The following ZNF385D variants were observed in gnomAD, a reference collection of about 807,000 sequenced individuals.
The protein encoded by ZNF385D is zinc finger protein 385D, also known as zinc finger protein 659.
Under a neutral mutation model 35.8 loss-of-function variants are expected in ZNF385D, and 15 were observed. The ratio of observed to expected loss-of-function variants is 0.42; its 90% CI spans 0.28 to 0.64. The LOEUF (loss-of-function observed/expected upper bound fraction) is 0.64. Among genes scored for constraint, ZNF385D ranks in the 30% least tolerant of loss-of-function variants. The pLI, the probability that ZNF385D is intolerant of heterozygous loss-of-function variation, is 0.23. For synonymous variants in ZNF385D, 212 were observed against 186.8 expected (o/e 1.13, Z -1.10); for missense variants, 474 against 494.6 (o/e 0.96, Z 0.39).
chr3:22,191,588 G>C (rs962896924), intron 2 of ZNF385D, among the ~76,000 whole-genome samples: 2 of 151,846 alleles, frequency 1.3e-5, no homozygotes, highest in Non-Finnish European at 2.9e-5. Context: ...TGTAGAATAT[G>C]TATGATAAAA....
intron 3 of ZNF385D, among the ~76,000 whole-genome samples, chr3:21,945,387 A>T (rs1304634323): frequency 6.6e-6 from 1 of 152,200 alleles, no homozygotes; most frequent in Admixed American, 6.5e-5. Flanking sequence ...GGTGAGATGC[A>T]CGTTAGTTGT....
At chr3:22,341,461 C>A (rs1695416601) in intron 2 of ZNF385D, among the ~76,000 whole-genome samples, 1 of 152,140 alleles carries the variant, frequency 6.6e-6, no homozygotes. Context: ...AGTTCACTGT[C>A]CAACAACCTA....
chr3:22,156,629 A>G (rs1705602950), intron 3 of ZNF385D, among the ~76,000 whole-genome samples: 1 of 152,164 alleles, frequency 6.6e-6, no homozygotes, highest in Non-Finnish European at 1.5e-5. Flanking sequence ...ACAGATGGTC[A>G]TGAAATGCCT....
chr3:21,836,504 G>A (rs1290787078), intron 3 of ZNF385D, among the ~76,000 whole-genome samples: 2 of 151,984 alleles, frequency 1.3e-5, no homozygotes, highest in African/African-American at 4.8e-5. Flanking sequence ...ACATTACAGA[G>A]ACCTAAAAGA....
At chr3:22,047,437 T>C (rs957216450) in intron 3 of ZNF385D, among the ~76,000 whole-genome samples, 8 of 152,156 alleles carry the variant, frequency 5.3e-5, no homozygotes, top group African/African-American at 1.9e-4. Context: ...ACCACTATTG[T>C]ACTTTCTGCT....
At chr3:21,634,793 A>G (rs1409736288) in intron 2 of ZNF385D, among the ~76,000 whole-genome samples, 1 of 150,588 alleles carries the variant, frequency 6.6e-6, no homozygotes, top group Non-Finnish European at 1.5e-5. Flanking sequence ...ATTTTCCTTC[A>G]GTGTGTTCTA....
intron 3 of ZNF385D, chr3:21,849,798 G>A (rs1171980209): frequency 6.7e-6 from 1 of 149,440 alleles, no homozygotes; most frequent in Non-Finnish European, 1.5e-5. Context: ...TTTGTTTTTT[G>A]CGGGGGACAA....
At chr3:21,777,761 G>C (rs772131124) in intron 3 of ZNF385D, 4 of 151,842 alleles carry the variant, frequency 2.6e-5, no homozygotes, top group Admixed American at 6.6e-5. Flanking sequence ...TTTGTGACCA[G>C]TTTGACTAAT....
chr3:21,901,351 T>C (rs1232532926), intron 3 of ZNF385D, among the ~76,000 whole-genome samples: 1 of 152,162 alleles, frequency 6.6e-6, no homozygotes, highest in East Asian at 1.9e-4. Flanking sequence ...TTACCAATGC[T>C]TTATCTCCAA....
At chr3:21,536,108 T>A (rs1173109293) in intron 3 of ZNF385D, among the ~76,000 whole-genome samples, 1 of 149,978 alleles carries the variant, frequency 6.7e-6, no homozygotes, top group African/African-American at 2.5e-5. Flanking sequence ...GATTAAACAG[T>A]AACAACTTAT....
chr3:21,932,600 A>C (rs1701068707), intron 3 of ZNF385D, among the ~76,000 whole-genome samples: 1 of 151,984 alleles, frequency 6.6e-6, no homozygotes, highest in Admixed American at 6.6e-5. Flanking sequence ...AAGCTTTAAC[A>C]ATCAATTGAA....
chr3:21,586,833 A>G (rs998767599), intron 2 of ZNF385D, among the ~76,000 whole-genome samples: 1 of 152,188 alleles, frequency 6.6e-6, no homozygotes, highest in East Asian at 1.9e-4. Flanking sequence ...AAAAACATAA[A>G]TATATTTTAA....
chr3:21,572,407 G>A (rs763126663), intron 2 of ZNF385D, among the ~76,000 whole-genome samples: 3 of 152,072 alleles, frequency 2.0e-5, no homozygotes, highest in Non-Finnish European at 2.9e-5. Flanking sequence ...TTAAATGGTG[G>A]CATACAATTT....
chr3:22,182,328 T>G (rs1695333443), intron 2 of ZNF385D, among the ~76,000 whole-genome samples: 1 of 152,148 alleles, frequency 6.6e-6, no homozygotes, highest in Non-Finnish European at 1.5e-5. Context: ...TTTAGTTAAA[T>G]GAATTAAATA....
At chr3:21,822,640 G>C (rs1298956394) in intron 3 of ZNF385D, among the ~76,000 whole-genome samples, 6 of 152,082 alleles carry the variant, frequency 3.9e-5, no homozygotes, top group Non-Finnish European at 1.5e-5. Context: ...CAAGAAAGTT[G>C]ATACTGGCAT....
chr3:21,535,038 C>T (rs1257983124), intron 3 of ZNF385D, among the ~76,000 whole-genome samples: 1 of 152,020 alleles, frequency 6.6e-6, no homozygotes, highest in East Asian at 1.9e-4. Context: ...ATCTAAAGAA[C>T]ACAGCAACAG....
At chr3:21,627,066 C>A (rs747144064) in intron 2 of ZNF385D, among the ~76,000 whole-genome samples, 12 of 148,388 alleles carry the variant, frequency 8.1e-5, no homozygotes, top group Non-Finnish European at 1.6e-4. Flanking sequence ...TTTTTTTTCT[C>A]CTACACAACT....
At chr3:22,108,733 C>A (rs760907960) in intron 3 of ZNF385D, among the ~76,000 whole-genome samples, 2 of 152,152 alleles carry the variant, frequency 1.3e-5, no homozygotes, top group African/African-American at 4.8e-5. Context: ...ATGTAGCAGG[C>A]TAGGTGCAGT....
At chr3:21,610,501 T>G (rs1240290874) in intron 2 of ZNF385D, among the ~76,000 whole-genome samples, 3 of 152,248 alleles carry the variant, frequency 2.0e-5, no homozygotes, top group African/African-American at 7.2e-5. Flanking sequence ...CCGGGCGCGG[T>G]GGCTCACGCC....
Sources: allele counts gnomAD v4.1 joint callset (sites outside exome capture counted in the v4.1 genomes callset), GRCh38; gene constraint gnomAD v4.1.1; transcripts MANE v1.5; gene names NCBI Gene and HGNC (gene_info 2026-07-23, HGNC 2026-07-21).